Variants in F3 observed in about 807,000 individuals in gnomAD.
The protein encoded by F3 is coagulation factor III, tissue factor.
In F3, 18 loss-of-function variants were observed where a neutral mutation model predicts 33.5. That is an observed-to-expected ratio of 0.54 (90% CI 0.37 to 0.80). The LOEUF is 0.80. F3 is among the 30% of genes least tolerant of loss of function. F3 has a pLI of 0.00. For synonymous variants in F3, 147 were observed against 140.7 expected (o/e 1.05, Z -0.32); for missense variants, 353 against 362.1 (o/e 0.97, Z 0.20).
Position 94,532,323 on chromosome 1 carries a change from C to G in F3, c.749G>C (p.Arg250Thr). 1 of 1,613,894 alleles carries G rather than the reference C, an allele frequency of 6.2e-7. No individual in the cohort carries two copies. Among genetic ancestry groups the G allele is most frequent in the Non-Finnish European group, 8.5e-7 (1 of 1,179,958 alleles). The change falls in exon 5 of 6, where the codon AGA becomes ACA. Residue 250 changes from arginine (R) to threonine (T), a missense_variant and splice_region_variant. Arg to Thr is a moderately conservative substitution (Grantham distance 71). Coordinates refer to ENST00000334047, the MANE Select transcript of F3 (RefSeq NM_001993.5). Reference sequence around the variant, plus strand: ...AAATGGCTGGCAGAGCCACTCACCTCTGAATTCCCCTTTCTCCTGGCCCAT... The same window carrying G: ...AAATGGCTGGCAGAGCCACTCACCTGTGAATTCCCCTTTCTCCTGGCCCAT... ...ECMGQEKGEF[R>T]EIFYIIGAVV...
intron 3 of F3, among the ~76,000 whole-genome samples, 158 bp from the exon 4 acceptor site, chr1:94,533,426 A>G (rs1283498845): frequency 2.0e-5 from 3 of 152,250 alleles, no homozygotes; most frequent in Non-Finnish European, 4.4e-5. Flanking sequence ...CTGGAGCTGA[A>G]TCCTAAGACA....
Position 94,530,596 on chromosome 1 carries a change from T to C in F3, c.752A>G (p.Glu251Gly). Residue 251 changes from glutamate to glycine, a missense_variant and splice_region_variant, in exon 6 of 6, where the codon GAA becomes GGA. Physicochemically the swap from Glu to Gly is moderately conservative, Grantham distance 98. Transcript: ENST00000334047. ...CMGQEKGEFR[E>G]IFYIIGAVVF... ...CACAGCTCCAATGATGTAGAATATT[T>C]CTGAAAAATAAAGGGCATCTAGTCA... The C allele has an allele frequency of 1.9e-6, 3 of 1,613,908 alleles. No homozygotes were observed. The highest frequency in any genetic ancestry group is 2.2e-5 in the South Asian group (2 of 91,076).
intron 5 of F3, 140 bp downstream of exon 5, chr1:94,532,178 TAAC>T: frequency 1.2e-6 from 1 of 845,232 alleles, no homozygotes; most frequent in East Asian, 2.6e-5. Context: ...AACAAACAAA[TAAC>T]AACAAAAAAC....
rs532148881 is a variant in F3 at position 94,529,684 on chromosome 1, C to T, written c.*776G>A. ...ATGTATTCCTGAAAAAAAAAAGAACCTAAACACTATATTATAGACATATGT... is the reference window on the plus strand; with the variant it reads ...ATGTATTCCTGAAAAAAAAAAGAACTTAAACACTATATTATAGACATATGT... On this transcript the variant is annotated 3_prime_UTR_variant, in exon 6 of 6. Coordinates refer to ENST00000334047, the MANE Select transcript of F3 (RefSeq NM_001993.5). 9.8e-5 allele frequency: 15 copies of T among 152,468 alleles called. No individual in the cohort carries two copies. The highest frequency in any genetic ancestry group is 3.1e-4 in the African/African-American group (13 of 41,498). 9.4% of individuals were successfully genotyped at this position (152,468 alleles called of 1,614,324 possible).
chr1:94,530,736 C>T, intron 5 of F3, 140 bp from the exon 6 acceptor site: 1 of 977,286 alleles, frequency 1.0e-6, no homozygotes, highest in Non-Finnish European at 1.5e-6. Context: ...ACCACACTTA[C>T]ATTAGGAAAG....
intron 2 of F3, 68 bp downstream of exon 2, chr1:94,540,189 A>T: frequency 1.0e-6 from 1 of 994,758 alleles, no homozygotes; most frequent in Non-Finnish European, 1.6e-6. Flanking sequence ...CTTTAAAGAC[A>T]TTCTTGTTCA....
At chr1:94,536,303 T>C (rs1651604572) in intron 2 of F3, 139 bp from the exon 3 acceptor site, 8 of 740,876 alleles carry the variant, frequency 1.1e-5, no homozygotes, top group Non-Finnish European at 1.8e-5. Context: ...GTCACTGTGC[T>C]GAGCACTTTG....
In F3 at chr1:94,541,606, G is replaced by A. The variant is rs1408282006; in HGVS notation, c.31C>T (p.Arg11Cys). 2.7e-6 allele frequency: 4 copies of A among 1,460,614 alleles called. No homozygotes were observed. The highest frequency in any genetic ancestry group is 3.6e-6 in the Non-Finnish European group (4 of 1,105,792). The allele number at this position is 1,460,614 out of a possible 1,614,324, so 90.5% of individuals were successfully genotyped here. A position where few individuals can be genotyped will look rare whatever the true frequency, so the allele number is the denominator to read the frequency against. The change falls in exon 1 of 6, where the codon CGC becomes TGC. Residue 11 changes from arginine to cysteine, a missense_variant. Arg to Cys is a radical substitution (Grantham distance 180, BLOSUM62 -3). Coordinates refer to ENST00000334047, the MANE Select transcript of F3 (RefSeq NM_001993.5). ...GTCCGAGCGACGGCGGTCTCGGGGC[G>A]CGGGACCCGGGGCCAGGCAGGGGTC... METPAWPRVP[R>C]PETAVARTLL...
Position 94,541,570 on chromosome 1 carries a change from C to T in F3, c.67G>A (p.Gly23Ser), listed in dbSNP as rs768123044. 6.7e-7 allele frequency: 1 copy of T among 1,489,026 alleles called. No individual in the cohort carries two copies. Among genetic ancestry groups the T allele is most frequent in the Non-Finnish European group, 8.9e-7 (1 of 1,117,626 alleles). 92.2% of individuals were successfully genotyped at this position (1,489,026 alleles called of 1,614,324 possible). ...CCGGCCACCTGGGCGAAGACCCAGC[C>T]GAGCAGGAGCGTCCGAGCGACGGCG... ...ETAVARTLLL[G>S]WVFAQVAGAS... The change falls in exon 1 of 6, where the codon GGC becomes AGC. Residue 23 changes from glycine (G) to serine (S), a missense_variant. Gly to Ser is a moderately conservative substitution (Grantham distance 56, BLOSUM62 0). Transcript: ENST00000334047.
chr1:94,532,509 C>T (rs370905734), intron 4 of F3, 29 bp from the exon 5 acceptor site: 1 of 1,610,170 alleles, frequency 6.2e-7, no homozygotes, highest in Non-Finnish European at 8.5e-7. Flanking sequence ...CTTAATTCAT[C>T]TGGGCTCTGA....
chr1:94,533,343 T>C lies in F3; in HGVS notation c.413-75A>G, dbSNP rs912324187. 37 of 1,522,858 alleles carry C rather than the reference T, an allele frequency of 2.4e-5. No individual in the cohort carries two copies. The Admixed American group carries it at 5.6e-4, about 23-fold the overall frequency. The allele number at this position is 1,522,858 out of a possible 1,614,324, so 94.3% of individuals were successfully genotyped here. On this transcript the variant is annotated intron_variant, in intron 3 of 5. Coordinates refer to ENST00000334047, the MANE Select transcript of F3 (RefSeq NM_001993.5). ...GTCAAATCCTGTTTTGTTATCACAA[T>C]TGACAACTTAATTATCTCTCATATA...
chr1:94,540,333 A>C lies in F3; in HGVS notation c.136T>G (p.Trp46Gly). The change falls in exon 2 of 6, where the codon TGG (tryptophan) becomes GGG (glycine). Residue 46 changes from tryptophan (W) to glycine (G), a missense_variant. Transcript: ENST00000334047. ...TNTVAAYNLT[W>G]KSTNFKTILE... ...ATTGTCTTGAAATTAGTTGATTTCC[A>C]AGTTAAATTATATGCTGCCACAGTA... The C allele has an allele frequency of 5.0e-6, 8 of 1,614,072 alleles. No homozygotes were observed. The highest frequency in any genetic ancestry group is 6.8e-6 in the Non-Finnish European group (8 of 1,179,946).
At chr1:94,530,633 T>C (rs1651395859) in intron 5 of F3, 37 bp from the exon 6 acceptor site, 2 of 1,612,098 alleles carry the variant, frequency 1.2e-6, no homozygotes, top group Admixed American at 3.3e-5. Flanking sequence ...CTTGGAGAGC[T>C]CAAATCCCAT....
intron 4 of F3, among the ~76,000 whole-genome samples, chr1:94,532,691 A>G (rs1052359680): frequency 1.3e-5 from 2 of 152,360 alleles, no homozygotes; most frequent in South Asian, 4.1e-4. Flanking sequence ...CAATTTAGGC[A>G]TATTGAACCC....
intron 4 of F3, among the ~76,000 whole-genome samples, chr1:94,532,820 C>T (rs1335531607): frequency 2.6e-5 from 4 of 152,076 alleles, no homozygotes; most frequent in Admixed American, 6.5e-5. Flanking sequence ...GTGAGCATGG[C>T]GGGACCTTTA....
chr1:94,538,514 A>G (rs1651677885), intron 2 of F3, among the ~76,000 whole-genome samples: 1 of 152,210 alleles, frequency 6.6e-6, no homozygotes, highest in Non-Finnish European at 1.5e-5. Flanking sequence ...GAGGAAGGCC[A>G]ACTGAGGAGA....
At chr1:94,535,080 T>C (rs921957788) in intron 3 of F3, among the ~76,000 whole-genome samples, 1 of 152,050 alleles carries the variant, frequency 6.6e-6, no homozygotes, top group East Asian at 1.9e-4. Flanking sequence ...TCAAAGTAGA[T>C]ACCAGAGGAG....
chr1:94,535,298 T>A (rs775927311), intron 3 of F3, among the ~76,000 whole-genome samples: 14 of 152,056 alleles, frequency 9.2e-5, no homozygotes, highest in Non-Finnish European at 2.1e-4. Context: ...AAAGAATAAA[T>A]CTCCTACTTG....
rs1450487677 is a variant in F3 at position 94,533,257 on chromosome 1, G to C, written c.424C>G (p.Gln142Glu). 1 of 1,610,598 alleles carries C rather than the reference G, an allele frequency of 6.2e-7. No individual in the cohort carries two copies. Among genetic ancestry groups the C allele is most frequent in the Non-Finnish European group, 8.5e-7 (1 of 1,179,382 alleles). ...TGTTCAAAACTCTGAATTGTTGGCT[G>C]TCCGAGGTTTGCTGAAACAAAGGAA... is the stretch of plus-strand genomic sequence containing the variant. ...FTPYLETNLG[Q>E]PTIQSFEQVG... The change falls in exon 4 of 6, where the codon CAG (glutamine) becomes GAG (glutamate). Residue 142 changes from glutamine (Q) to glutamate (E), a missense_variant. Gln to Glu is a conservative substitution (Grantham distance 29, BLOSUM62 2). Coordinates refer to ENST00000334047, the MANE Select transcript of F3 (RefSeq NM_001993.5).
Sources: gnomAD v4.1 joint callset for allele counts (sites outside exome capture counted in the v4.1 genomes callset) on GRCh38, gnomAD v4.1.1 for gene constraint, MANE v1.5 for transcripts, NCBI Gene and HGNC (gene_info 2026-07-23, HGNC 2026-07-21) for gene names.